Variants in ZNF547 observed in about 807,000 individuals in gnomAD.
The protein encoded by ZNF547 is zinc finger protein 547.
In ZNF547, 4 loss-of-function variants were observed where a neutral mutation model predicts 7.7. The ratio of observed to expected loss-of-function variants is 0.52; its 90% confidence interval spans 0.26 to 1.20. The LOEUF (loss-of-function observed/expected upper bound fraction) is 1.20, where lower values mean the gene tolerates loss of function less well. Ranked by LOEUF, ZNF547 falls within the 50% of genes most tolerant of loss-of-function variation. ZNF547 has a pLI of 0.14. For synonymous variants in ZNF547, 166 were observed against 166.2 expected (o/e 1.00, Z 0.01); for missense variants, 449 against 485.8 (o/e 0.92, Z 0.71).
intron 1 of ZNF547, chr19:57,364,017 T>C (rs985571363): frequency 6.6e-6 from 1 of 152,108 alleles, no homozygotes; most frequent in Non-Finnish European, 1.5e-5. Flanking sequence ...CCATGGAAGG[T>C]TGTCAAGGGA....
intron 1 of ZNF547, among the ~76,000 whole-genome samples, chr19:57,366,089 T>C (rs1226667232): frequency 6.6e-6 from 1 of 152,004 alleles, no homozygotes; most frequent in Non-Finnish European, 1.5e-5. Flanking sequence ...GGTCTTGAAC[T>C]CCTGACCTCG....
intron 1 of ZNF547, among the ~76,000 whole-genome samples, chr19:57,365,920 A>C (rs1312103217): frequency 6.8e-6 from 1 of 147,594 alleles, no homozygotes; most frequent in Non-Finnish European, 1.5e-5. Flanking sequence ...GCTGGAGTGC[A>C]GTGGCACGAT....
At chr19:57,364,735 C>T in intron 1 of ZNF547, 4 of 1,003,312 alleles carry the variant, frequency 4.0e-6, no homozygotes, top group East Asian at 2.6e-5. Context: ...AGCGAGATTC[C>T]GTGTCAAAAA....
chr19:57,370,452 G>T (rs533203663), intron 2 of ZNF547, among the ~76,000 whole-genome samples: 58 of 152,212 alleles, frequency 3.8e-4, no homozygotes, highest in Non-Finnish European at 6.6e-4. Flanking sequence ...GCACCACCTG[G>T]TTTCTGTGTG....
rs201929561 is a variant in ZNF547 at position 57,368,525 on chromosome 19, G to A, written c.-12-19G>A. ...CTTCCCATCGTTGCCCATTTCTCAC[G>A]GTTTCCCTCTTCCTTCAGGGTCCCC... On this transcript the variant is annotated intron_variant, in intron 1 of 3. Coordinates refer to ENST00000282282, the MANE Select transcript of ZNF547 (RefSeq NM_173631.4). The A allele has an allele frequency of 3.5e-5, 56 of 1,613,906 alleles. No homozygotes were observed. Among genetic ancestry groups the A allele is most frequent in the Non-Finnish European group, 4.0e-5 (47 of 1,179,854 alleles).
chr19:57,364,333 A>C (rs539302072), intron 1 of ZNF547: 1 of 157,270 alleles, frequency 6.4e-6, no homozygotes, highest in East Asian at 1.9e-4. Context: ...GGAGAAGATC[A>C]TGGGTTGGAG....
At chr19:57,364,729 A>G in intron 1 of ZNF547, 1 of 958,650 alleles carries the variant, frequency 1.0e-6, no homozygotes, top group Non-Finnish European at 1.6e-6. Flanking sequence ...CGACAGAGCG[A>G]GATTCCGTGT....
chr19:57,368,094 G>T (rs911014636), intron 1 of ZNF547: 1 of 157,796 alleles, frequency 6.3e-6, no homozygotes, highest in Admixed American at 6.4e-5. Context: ...CTACATAATT[G>T]ATTTGACCCA....
At chr19:57,371,409 T>C (rs113722241) in intron 2 of ZNF547, among the ~76,000 whole-genome samples, 5 of 152,170 alleles carry the variant, frequency 3.3e-5, no homozygotes, top group African/African-American at 9.6e-5. Context: ...AGGAGGAAAA[T>C]TGGAGTGAGT....
At chr19:57,364,818 C>G (rs1308253355) in intron 1 of ZNF547, 1 of 1,589,098 alleles carries the variant, frequency 6.3e-7, no homozygotes, top group East Asian at 2.2e-5. Context: ...GCTGCAGGAG[C>G]CATATATTGA....
rs1216759709 is a variant in ZNF547 at position 57,378,306 on chromosome 19, A to C, written c.*121A>C. The C allele has an allele frequency of 1.1e-6, 1 of 876,030 alleles. No individual in the cohort carries two copies. Among genetic ancestry groups the C allele is most frequent in the Non-Finnish European group, 1.8e-6 (1 of 554,476 alleles). 54.3% of individuals were successfully genotyped at this position (876,030 alleles called of 1,614,324 possible). A position where few individuals can be genotyped will look rare whatever the true frequency, so the allele number is the denominator to read the frequency against. The stretch of plus-strand genomic sequence containing the variant: ...CGTGAACGTGGGTAATTATGTAGGT[A>C]CAGCTCTCCAGTCGCTATGTATCAG... On this transcript the variant is annotated 3_prime_UTR_variant, in exon 4 of 4. Transcript: ENST00000282282.
At position 57,368,591 on chromosome 19, in the gene ZNF547, G is replaced by C; in HGVS notation, c.24+12G>C. On this transcript the variant is annotated intron_variant, in intron 2 of 3. Coordinates refer to ENST00000282282, the MANE Select transcript of ZNF547 (RefSeq NM_173631.4). The stretch of plus-strand genomic sequence containing the variant: ...TGAACCCTGCACAGGTGAGTGGAGT[G>C]TTTTCTACCTTTCACCTACCAGTTA... The C allele has an allele frequency of 6.2e-7, 1 of 1,613,924 alleles. No homozygotes were observed. The highest frequency in any genetic ancestry group is 2.2e-5 in the East Asian group (1 of 44,872).
At chr19:57,375,361 C>T (rs747683398) in intron 3 of ZNF547, among the ~76,000 whole-genome samples, 102 of 150,328 alleles carry the variant, frequency 6.8e-4, no homozygotes, top group Non-Finnish European at 4.9e-4. Context: ...AAGAGATACG[C>T]GATACTTGGC....
chr19:57,377,288 G>A lies in ZNF547; in HGVS notation c.312G>A (p.Glu104=). 1 of 1,614,218 alleles carries A rather than the reference G, an allele frequency of 6.2e-7. No individual in the cohort carries two copies. Among genetic ancestry groups the A allele is most frequent in the Non-Finnish European group, 8.5e-7 (1 of 1,180,042 alleles). The change falls in exon 4 of 4, where the codon GAG becomes GAA. Residue 104 remains glutamate (E), a synonymous_variant. Transcript: ENST00000282282. The part of the protein sequence containing the change: ...SLLKDILRLA[E]HDGTHPEQGL... ...TGAAGGACATTCTGCGTCTGGCTGA[G>A]CATGACGGAACACACCCCGAGCAGG...
intron 3 of ZNF547, among the ~76,000 whole-genome samples, chr19:57,375,117 G>A (rs1176950707): frequency 6.6e-6 from 1 of 152,084 alleles, no homozygotes; most frequent in African/African-American, 2.4e-5. Flanking sequence ...TTGGGAGGCT[G>A]GGGCAGGTGG....
intron 3 of ZNF547, among the ~76,000 whole-genome samples, chr19:57,376,703 G>A (rs1042225259): frequency 6.6e-6 from 1 of 152,172 alleles, no homozygotes; most frequent in Non-Finnish European, 1.5e-5. Context: ...GGTTTGGGGA[G>A]TTTCCTTAGA....
chr19:57,371,809 A>G lies in ZNF547; in HGVS notation c.52A>G (p.Ile18Val), dbSNP rs764468190. ...TCATGTGGTTTTTGAAGACGTGGCC[A>G]TATATTTCTCCCAGGAGGAGTGGGG... ...QGHVVFEDVA[I>V]YFSQEEWGHL... Residue 18 changes from isoleucine (I) to valine (V), a missense_variant, in exon 3 of 4, where the codon ATA (isoleucine) becomes GTA (valine). Physicochemically the swap from Ile to Val is conservative, Grantham distance 29. Transcript: ENST00000282282. The G allele has an allele frequency of 9.3e-6, 15 of 1,613,170 alleles. No individual in the cohort carries two copies. The South Asian group carries it at 1.4e-4, about 15-fold the overall frequency.
At chr19:57,372,670 C>T (rs2088513824) in intron 3 of ZNF547, among the ~76,000 whole-genome samples, 1 of 152,246 alleles carries the variant, frequency 6.6e-6, no homozygotes. Flanking sequence ...CCCCCGTTGT[C>T]ATTTTTACTC....
In ZNF547 at chr19:57,375,481, G is replaced by A. The variant is rs960833979; in HGVS notation, c.152-1647G>A. 3.3e-5 allele frequency among the ~76,000 whole-genome samples: 5 copies of A among 150,902 alleles called. No homozygotes were observed. In the East Asian group the frequency reaches 5.9e-4, roughly 18 times the overall value. ...AGACTGGCCAACATGGCGAAACCCCGTCTCTACTAAGAATAACAACAACAA... is the reference window on the plus strand; with the variant it reads ...AGACTGGCCAACATGGCGAAACCCCATCTCTACTAAGAATAACAACAACAA... On this transcript the variant is annotated intron_variant, in intron 3 of 3. Transcript: ENST00000282282.
Sources: gnomAD v4.1 joint callset for allele counts (sites outside exome capture counted in the v4.1 genomes callset) on GRCh38, gnomAD v4.1.1 for gene constraint, MANE v1.5 for transcripts, NCBI Gene and HGNC (gene_info 2026-07-23, HGNC 2026-07-21) for gene names.